Variants in CFAP77 observed in about 807,000 individuals in gnomAD.
The protein encoded by CFAP77 is cilia and flagella associated protein 77, also known as cilia- and flagella-associated protein 77.
In CFAP77, 25 loss-of-function variants were observed where a neutral mutation model predicts 31.1. The observed-to-expected ratio is 0.80, with a 90% CI of 0.59 to 1.12. CFAP77 has a LOEUF of 1.12. Among genes scored for constraint, CFAP77 ranks in the 50% most tolerant of loss-of-function variants. The probability of loss-of-function intolerance (pLI) is 0.00; values close to 1 mark genes in which losing one functional copy is unlikely to be tolerated. For synonymous variants in CFAP77, 151 were observed against 159.9 expected, an observed-to-expected ratio of 0.94 and a Z score of 0.42; for missense variants, 377 against 397.3, an observed-to-expected ratio of 0.95 and a Z score of 0.44.
intron 1 of CFAP77, among the ~76,000 whole-genome samples, chr9:132,477,384 CA>C (rs35158217): frequency 0.47 from 72,060 of 151,990 alleles, 17,217 homozygotes; most frequent in Admixed American, 0.55. Context: ...AACCAGCCAC[CA>C]AACCCCATCC....
At position 132,498,879 on chromosome 9, in the gene CFAP77, GCTT is replaced by G; in HGVS notation, c.295+86_295+88del. On this transcript the variant is annotated intron_variant, in intron 2 of 5. Coordinates refer to ENST00000393216, the MANE Select transcript of CFAP77 (RefSeq NM_001282957.2). The surrounding 1 kb of genome is among the most constrained non-coding windows in gnomAD (Gnocchi z 4.2). ...CACAGACCCCTTGACCTAGCTCGCT[GCTT>G]GGCAGCTGGTTGGGTGCTGGAGAAA... 3 of 966,644 alleles carry G rather than the reference GCTT, an allele frequency of 3.1e-6. No individual in the cohort carries two copies. The highest frequency in any genetic ancestry group is 3.2e-6 in the Non-Finnish European group (2 of 634,572). 59.9% of individuals were successfully genotyped at this position (966,644 alleles called of 1,614,324 possible).
At position 132,461,137 on chromosome 9, in the gene CFAP77, T is replaced by C. The variant is rs75304185; in HGVS notation, c.196-37558T>C. ...GCCCTCCGCACAGTGCCTGGCACAA[T>C]AGCAAGTGCTGAATGAAGGTTGGCT... On this transcript the variant is annotated intron_variant, in intron 1 of 5. Transcript: ENST00000393216. Among the ~76,000 whole-genome samples the C allele has an allele frequency of 9.4e-3, 1,435 of 152,342 alleles. 18 individuals are homozygous for C. The highest frequency in any genetic ancestry group is 0.032 in the African/African-American group (1,318 of 41,580).
chr9:132,432,220 A>T (rs968618563), intron 1 of CFAP77, among the ~76,000 whole-genome samples: 5 of 152,164 alleles, frequency 3.3e-5, no homozygotes, highest in African/African-American at 9.7e-5. Context: ...GCAGGACACA[A>T]TATAAGTGAG....
chr9:132,533,925 T>A (rs1852500417), intron 3 of CFAP77, among the ~76,000 whole-genome samples: 1 of 152,156 alleles, frequency 6.6e-6, no homozygotes. Flanking sequence ...TTGACAATGC[T>A]GGTCTAGAGG....
chr9:132,488,092 G>A (rs1851593122), intron 1 of CFAP77, among the ~76,000 whole-genome samples: 1 of 152,218 alleles, frequency 6.6e-6, no homozygotes, highest in Admixed American at 6.5e-5. Context: ...GCAGGAGAGT[G>A]AGTGGAGGCT....
chr9:132,557,162 T>C (rs372841043), intron 5 of CFAP77, among the ~76,000 whole-genome samples: 28 of 152,190 alleles, frequency 1.8e-4, no homozygotes, highest in African/African-American at 6.8e-4. Context: ...GGTGCGTGTG[T>C]TGGACAGGGG....
At position 132,537,703 on chromosome 9, in the gene CFAP77, GA is replaced by G; in HGVS notation, c.629del (p.Lys210ArgfsTer15). On this transcript the variant is annotated frameshift_variant and splice_region_variant, in exon 4 of 6. Transcript: ENST00000393216. LOFTEE classifies it high-confidence loss of function. ...AAGCCATCAAACTGGAGAAGAAGCA[GA>G]AGGTAAATGCAGCCCTCGCTCCCAA... Reference protein sequence around the residue: ...QKAIKLEKKQKVVLGKLYETR... With the variant: ...QKAIKLEKKQXVVLGKLYETR... The G allele has an allele frequency of 6.2e-7, 1 of 1,612,398 alleles. No individual in the cohort carries two copies. Among genetic ancestry groups the G allele is most frequent in the Non-Finnish European group, 8.5e-7 (1 of 1,178,740 alleles).
intron 5 of CFAP77, among the ~76,000 whole-genome samples, chr9:132,570,195 G>A (rs1156325131): frequency 2.0e-5 from 3 of 152,232 alleles, no homozygotes; most frequent in Non-Finnish European, 4.4e-5. Flanking sequence ...TTCTCAGTGT[G>A]TCTTGTGAGG....
chr9:132,506,053 A>G (rs1425378381), intron 3 of CFAP77, among the ~76,000 whole-genome samples: 1 of 152,230 alleles, frequency 6.6e-6, no homozygotes, highest in African/African-American at 2.4e-5. Context: ...AAGGGAGGGC[A>G]AGGGCCCTCC....
chr9:132,462,023 T>A (rs1851059900), intron 1 of CFAP77, among the ~76,000 whole-genome samples: 1 of 152,182 alleles, frequency 6.6e-6, no homozygotes, highest in Non-Finnish European at 1.5e-5. Context: ...AATATCTACC[T>A]ATTGAACATC....
chr9:132,553,514 C>T (rs1019867494), intron 5 of CFAP77, among the ~76,000 whole-genome samples: 5 of 152,232 alleles, frequency 3.3e-5, no homozygotes, highest in African/African-American at 1.2e-4. Context: ...AGCTCTTTTT[C>T]AAGTGCAGTG....
intron 1 of CFAP77, among the ~76,000 whole-genome samples, chr9:132,432,483 T>G (rs1850427035): frequency 6.6e-6 from 1 of 151,734 alleles, no homozygotes; most frequent in African/African-American, 2.4e-5. Context: ...TGCTGCTTGC[T>G]AGCTGCATAA....
rs573421737 is a variant in CFAP77 at position 132,477,710 on chromosome 9, G to A, written c.196-20985G>A. Among the ~76,000 whole-genome samples the A allele has an allele frequency of 2.4e-4, 37 of 152,298 alleles. 1 individual carries two copies. The highest frequency in any genetic ancestry group is 2.3e-3 in the Admixed American group (35 of 15,304). On this transcript the variant is annotated intron_variant, in intron 1 of 5. Coordinates refer to ENST00000393216, the MANE Select transcript of CFAP77 (RefSeq NM_001282957.2). ...CATTGGGTTCCAGTGCTGCCTCCTGGCTCCCTTTCTTGAGCATCTGAATGC... is the reference window on the plus strand; with the variant it reads ...CATTGGGTTCCAGTGCTGCCTCCTGACTCCCTTTCTTGAGCATCTGAATGC...
At chr9:132,562,540 G>T (rs1426113632) in intron 5 of CFAP77, among the ~76,000 whole-genome samples, 2 of 152,008 alleles carry the variant, frequency 1.3e-5, no homozygotes, top group African/African-American at 4.8e-5. Flanking sequence ...TGCAACGTTG[G>T]GTTTTTGAGA....
rs1032580155 is a variant in CFAP77 at position 132,564,086 on chromosome 9, T to G, written c.733-8302T>G. On this transcript the variant is annotated intron_variant, in intron 5 of 5. Transcript: ENST00000393216. The surrounding 1 kb of genome is among the most constrained non-coding windows in gnomAD (Gnocchi z 4.6). ...CCTTGTACTTCTTTTAATACACAATTCTAATTGAAGAATTCGTTGTGTGAT... is the reference window on the plus strand; with the variant it reads ...CCTTGTACTTCTTTTAATACACAATGCTAATTGAAGAATTCGTTGTGTGAT... Among the ~76,000 whole-genome samples, 1 of 152,214 alleles carries G rather than the reference T, an allele frequency of 6.6e-6. No individual in the cohort carries two copies. Among genetic ancestry groups the G allele is most frequent in the Middle Eastern group, 3.2e-3 (1 of 316 alleles).
intron 1 of CFAP77, among the ~76,000 whole-genome samples, chr9:132,466,103 T>A (rs1031305176): frequency 6.6e-6 from 1 of 152,202 alleles, no homozygotes; most frequent in Admixed American, 6.5e-5. Flanking sequence ...CACTTTTTTT[T>A]AAAGACATGG....
At chr9:132,422,513 G>A (rs956917046) in intron 1 of CFAP77, among the ~76,000 whole-genome samples, 8 of 152,212 alleles carry the variant, frequency 5.3e-5, no homozygotes, top group Non-Finnish European at 1.2e-4. Flanking sequence ...GAGTGTGTAT[G>A]TGTCCGCGTT....
chr9:132,452,828 G>A (rs1281000046), intron 1 of CFAP77, among the ~76,000 whole-genome samples: 3 of 152,288 alleles, frequency 2.0e-5, no homozygotes, highest in Middle Eastern at 3.4e-3. Context: ...ACTCTGCAAG[G>A]AACATTTATT....
At chr9:132,494,012 A>G (rs1423811274) in intron 1 of CFAP77, among the ~76,000 whole-genome samples, 1 of 151,752 alleles carries the variant, frequency 6.6e-6, no homozygotes. Context: ...CCCGGGTTCA[A>G]GTGGTTCTCC....
Sources: gnomAD v4.1 joint callset for allele counts (sites outside exome capture counted in the v4.1 genomes callset) on GRCh38, gnomAD v4.1.1 for gene constraint, Gnocchi (gnomAD v3.1) non-coding constraint, MANE v1.5 for transcripts, NCBI Gene and HGNC (gene_info 2026-07-23, HGNC 2026-07-21) for gene names.